The following CAMTA1 variants were observed in gnomAD, a reference collection of about 807,000 sequenced individuals.
CAMTA1 encodes calmodulin binding transcription activator 1.
CAMTA1 carries 27 observed loss-of-function variants against 170.9 expected under a neutral mutation model. That is an observed-to-expected ratio of 0.16 (90% CI 0.12 to 0.22). The LOEUF is 0.22. Among genes scored for constraint, CAMTA1 ranks in the 10% least tolerant of loss-of-function variants. CAMTA1 has a pLI of 1.00. For missense variants in CAMTA1, 1,619 were observed against 2,217.2 expected (o/e 0.73, Z 5.42); for synonymous variants, 833 against 891.5 (o/e 0.93, Z 1.17).
intron 3 of CAMTA1, among the ~76,000 whole-genome samples, chr1:6,909,488 G>T (rs1306195623): frequency 6.6e-6 from 1 of 152,236 alleles, no homozygotes; most frequent in African/African-American, 2.4e-5. Flanking sequence ...TCAGGTTGGG[G>T]CGGGGGGCCT....
Position 7,541,194 on chromosome 1 carries a change from C to T in CAMTA1, c.510+73293C>T, listed in dbSNP as rs956422663. ...CTTTCTGGTTCCCTCCCTCCATGTC[C>T]TCACGTTTTGACGCTTTGGGATTTG... On this transcript the variant is annotated intron_variant, in intron 6 of 22. Coordinates refer to ENST00000303635, the MANE Select transcript of CAMTA1 (RefSeq NM_015215.4). Among the ~76,000 whole-genome samples, 37 of 152,234 alleles carry T rather than the reference C, an allele frequency of 2.4e-4. 1 individual carries two copies. Among genetic ancestry groups the T allele is most frequent in the Non-Finnish European group, 5.9e-5 (4 of 68,040 alleles).
intron 4 of CAMTA1, among the ~76,000 whole-genome samples, chr1:7,236,555 CG>C (rs781110483): frequency 6.6e-6 from 1 of 152,154 alleles, no homozygotes; most frequent in African/African-American, 2.4e-5. Flanking sequence ...CTCCCCTTAC[CG>C]GCTGTGCGAC....
At chr1:7,148,467 G>C (rs141213601) in intron 4 of CAMTA1, among the ~76,000 whole-genome samples, 1,537 of 151,488 alleles carry the variant, frequency 0.01, 16 homozygotes, top group Admixed American at 0.015. Flanking sequence ...TCTTCTCCCT[G>C]TGCTGGGCTT....
intron 5 of CAMTA1, among the ~76,000 whole-genome samples, chr1:7,386,832 A>G (rs1271885477): frequency 2.0e-5 from 3 of 152,150 alleles, no homozygotes; most frequent in African/African-American, 7.2e-5. Flanking sequence ...ACACCCATAC[A>G]GGCCACTGAA....
Position 6,906,406 on chromosome 1 carries a change from G to A in CAMTA1, c.234+81196G>A, listed in dbSNP as rs116562366. 3.6e-3 allele frequency among the ~76,000 whole-genome samples: 554 copies of A among 152,278 alleles called. 5 individuals are homozygous for A. The highest frequency in any genetic ancestry group is 0.012 in the African/African-American group (513 of 41,556). ...GCTTTTCCTTCCTCACTGTGGCAGGGCCATGGGTAGTGGCCCTTCTCCCAG... is the reference window on the plus strand; with the variant it reads ...GCTTTTCCTTCCTCACTGTGGCAGGACCATGGGTAGTGGCCCTTCTCCCAG... On this transcript the variant is annotated intron_variant, in intron 3 of 22. Transcript: ENST00000303635.
chr1:7,394,432 G>A (rs2089065910), intron 5 of CAMTA1, among the ~76,000 whole-genome samples: 1 of 152,120 alleles, frequency 6.6e-6, no homozygotes, highest in African/African-American at 2.4e-5. Context: ...GCATTTCCCT[G>A]ATGATTAGTG....
intron 5 of CAMTA1, among the ~76,000 whole-genome samples, chr1:7,411,292 A>G (rs922098224): frequency 1.3e-5 from 2 of 152,150 alleles, no homozygotes; most frequent in African/African-American, 4.8e-5. Flanking sequence ...GCGCAATGAC[A>G]GTTCTAGTCC....
chr1:7,605,314 A>G (rs1016417315), intron 6 of CAMTA1, among the ~76,000 whole-genome samples: 2 of 152,182 alleles, frequency 1.3e-5, no homozygotes, highest in East Asian at 3.9e-4. Context: ...GGCCTCCTTG[A>G]GCTGCAGTAG....
intron 6 of CAMTA1, among the ~76,000 whole-genome samples, chr1:7,564,618 G>A (rs987957243): frequency 5.9e-5 from 9 of 152,220 alleles, no homozygotes; most frequent in Non-Finnish European, 1.2e-4. Context: ...GTTCATGTGC[G>A]GGTATGTACG....
intron 6 of CAMTA1, among the ~76,000 whole-genome samples, chr1:7,473,481 C>G (rs1403387266): frequency 6.6e-6 from 1 of 152,210 alleles, no homozygotes; most frequent in African/African-American, 2.4e-5. Context: ...ATACTCAGGC[C>G]CTAGAGAAGC....
chr1:7,479,711 T>A (rs1160833254), intron 6 of CAMTA1, among the ~76,000 whole-genome samples: 1 of 152,144 alleles, frequency 6.6e-6, no homozygotes, highest in Non-Finnish European at 1.5e-5. Context: ...CTAGGCCACC[T>A]CCCAGCATGC....
chr1:7,579,940 A>G (rs2095244584), intron 6 of CAMTA1, among the ~76,000 whole-genome samples: 1 of 152,216 alleles, frequency 6.6e-6, no homozygotes, highest in South Asian at 2.1e-4. Flanking sequence ...CAGTTCTGAG[A>G]TCTGGGTCGT....
chr1:6,996,351 T>TA (rs1015335539), intron 3 of CAMTA1, among the ~76,000 whole-genome samples: 1 of 152,250 alleles, frequency 6.6e-6, no homozygotes, highest in Non-Finnish European at 1.5e-5. Flanking sequence ...TTTTAGCAGA[T>TA]ACTTCGCTGA....
At chr1:7,671,103 T>C (rs963540660) in intron 10 of CAMTA1, 66 bp downstream of exon 10, 13 of 1,584,790 alleles carry the variant, frequency 8.2e-6, no homozygotes, top group African/African-American at 1.3e-5. Flanking sequence ...GGACTCGGAG[T>C]TGGCCTTGGG....
chr1:7,659,261 G>A (rs191821515), intron 7 of CAMTA1, among the ~76,000 whole-genome samples: 133 of 152,342 alleles, frequency 8.7e-4, no homozygotes, highest in African/African-American at 2.9e-3. Context: ...GAGGCTGGGC[G>A]TGGTGGCTCA....
chr1:7,416,964 T>G (rs1318575084), intron 5 of CAMTA1, among the ~76,000 whole-genome samples: 1 of 152,210 alleles, frequency 6.6e-6, no homozygotes, highest in Non-Finnish European at 1.5e-5. Flanking sequence ...TGTTTGTTAG[T>G]TTTCCTTCTA....
chr1:7,718,014 G>A (rs979606873), intron 11 of CAMTA1, among the ~76,000 whole-genome samples: 1 of 152,196 alleles, frequency 6.6e-6, no homozygotes, highest in Non-Finnish European at 1.5e-5. Context: ...TGGGATGAAC[G>A]TAGTCACTGG....
At chr1:6,831,672 A>G (rs1650230662) in intron 3 of CAMTA1, among the ~76,000 whole-genome samples, 1 of 152,210 alleles carries the variant, frequency 6.6e-6, no homozygotes, top group South Asian at 2.1e-4. Flanking sequence ...TTTTGAACTA[A>G]TGTTCTTTTT....
intron 3 of CAMTA1, among the ~76,000 whole-genome samples, chr1:7,072,533 G>A (rs1170968920): frequency 1.3e-5 from 2 of 152,228 alleles, no homozygotes; most frequent in Non-Finnish European, 2.9e-5. Context: ...GCATTCCAGT[G>A]AGGACTAGAG....
Sources: allele counts gnomAD v4.1 joint callset (sites outside exome capture counted in the v4.1 genomes callset), GRCh38; gene constraint gnomAD v4.1.1; transcripts MANE v1.5; gene names NCBI Gene and HGNC (gene_info 2026-07-23, HGNC 2026-07-21).